Variants in SNRPG observed in about 807,000 individuals in gnomAD.
SNRPG encodes small nuclear ribonucleoprotein polypeptide G.
A neutral mutation model predicts 13.9 loss-of-function variants in SNRPG; 3 were observed. The ratio of observed to expected loss-of-function variants is 0.22; its 90% CI spans 0.10 to 0.56. The LOEUF (loss-of-function observed/expected upper bound fraction) is 0.56. Among genes scored for constraint, SNRPG ranks in the 20% least tolerant of loss-of-function variants. The pLI is 0.93. For missense variants in SNRPG, 34 were observed against 96.1 expected (o/e 0.35, Z 2.70); for synonymous variants, 29 against 29.3 (o/e 0.99, Z 0.03).
At chr2:70,289,463 A>T (rs548733635) in intron 1 of SNRPG, 91 bp from the exon 2 acceptor site, 20 of 656,176 alleles carry the variant, frequency 3.0e-5, no homozygotes, top group Non-Finnish European at 5.1e-5. Context: ...AATTTGCTAA[A>T]ATTTATACAA....
intron 1 of SNRPG, 69 bp downstream of exon 1, chr2:70,293,549 A>G (rs2104929202): frequency 1.5e-6 from 2 of 1,290,730 alleles, no homozygotes; most frequent in South Asian, 1.2e-5. Context: ...CGGCTAACGG[A>G]GAGGGAACCA....
At chr2:70,287,145 A>G (rs1324009900) in intron 3 of SNRPG, 1 of 588,702 alleles carries the variant, frequency 1.7e-6, no homozygotes, top group Non-Finnish European at 3.0e-6. Flanking sequence ...AACCTTGGAA[A>G]GAATGGTATG....
At chr2:70,285,547 C>G (rs6721896) in intron 3 of SNRPG, among the ~76,000 whole-genome samples, 105,495 of 151,984 alleles carry the variant, frequency 0.69, 37,262 homozygotes, top group African/African-American at 0.82. Flanking sequence ...ACTCCAGCCT[C>G]GGTGACACAG....
chr2:70,283,746 A>G (rs1370041625), intron 3 of SNRPG, among the ~76,000 whole-genome samples: 1 of 152,200 alleles, frequency 6.6e-6, no homozygotes, highest in Non-Finnish European at 1.5e-5. Context: ...TGAGTATGAT[A>G]AGGTAGTAAA....
Position 70,287,727 on chromosome 2 carries a change from T to A in SNRPG, c.180+341A>T, listed in dbSNP as rs527881669. The A allele has an allele frequency of 3.7e-3, 1,459 of 393,232 alleles. 9 individuals are homozygous for A. The highest frequency in any genetic ancestry group is 5.8e-3 in the Non-Finnish European group (1,272 of 218,962). 24.4% of individuals were successfully genotyped at this position (393,232 alleles called of 1,614,324 possible). On this transcript the variant is annotated intron_variant, in intron 3 of 3. Coordinates refer to ENST00000272348, the MANE Select transcript of SNRPG (RefSeq NM_003096.4). ...ATACCTACTGAAGTAGAATCTTCAT[T>A]TTAAGAAGATTCCCTGGGGATTCAT...
intron 1 of SNRPG, chr2:70,293,406 C>T: frequency 6.3e-6 from 4 of 636,534 alleles, no homozygotes; most frequent in South Asian, 1.8e-5. Context: ...GAAGGAGGTG[C>T]CGTGGCTGCC....
At chr2:70,281,724 G>T in intron 3 of SNRPG, 40 bp from the exon 4 acceptor site, 1 of 1,052,080 alleles carries the variant, frequency 9.5e-7, no homozygotes, top group Non-Finnish European at 1.5e-6. Context: ...AACAACTCAG[G>T]TAACAGACAT....
At chr2:70,289,214 A>G (rs1038181959) in intron 2 of SNRPG, 136 bp downstream of exon 2, 4 of 526,350 alleles carry the variant, frequency 7.6e-6, no homozygotes, top group African/African-American at 2.0e-5. Flanking sequence ...CGGCCTCCCA[A>G]AGTGCTGGGA....
At chr2:70,284,686 T>G (rs564813813) in intron 3 of SNRPG, among the ~76,000 whole-genome samples, 1 of 152,140 alleles carries the variant, frequency 6.6e-6, no homozygotes, top group African/African-American at 2.4e-5. Context: ...ACCTGGCCAG[T>G]TATCAGAATT....
chr2:70,293,463 C>T (rs983603782), intron 1 of SNRPG, 155 bp downstream of exon 1: 10 of 764,590 alleles, frequency 1.3e-5, no homozygotes, highest in Non-Finnish European at 2.1e-5. Flanking sequence ...CTTCACGTCT[C>T]ATGCGCGGGA....
At chr2:70,288,233 T>A in intron 2 of SNRPG, 41 bp from the exon 3 acceptor site, 1 of 1,566,206 alleles carries the variant, frequency 6.4e-7, no homozygotes, top group Non-Finnish European at 8.8e-7. Context: ...AAACATTCCA[T>A]TAGCTACCAA....
At chr2:70,283,375 G>A (rs1343965169) in intron 3 of SNRPG, among the ~76,000 whole-genome samples, 2 of 152,238 alleles carry the variant, frequency 1.3e-5, no homozygotes, top group Non-Finnish European at 2.9e-5. Context: ...GAAAGGTAAT[G>A]TAATAATTTG....
rs551386440 is a variant in SNRPG at position 70,292,057 on chromosome 2, C to T, written c.32+1561G>A. On this transcript the variant is annotated intron_variant, in intron 1 of 3. Coordinates refer to ENST00000272348, the MANE Select transcript of SNRPG (RefSeq NM_003096.4). The stretch of plus-strand genomic sequence containing the variant: ...CCGCCTCCCGGGTTCACGCCATTCT[C>T]CTGCCTCAGCCTCCCGAGTAGCTGG... Among the ~76,000 whole-genome samples, 4 of 151,008 alleles carry T rather than the reference C, an allele frequency of 2.6e-5. No homozygotes were observed. In the East Asian group the frequency reaches 7.9e-4, roughly 30 times the overall value.
intron 3 of SNRPG, 119 bp downstream of exon 3, chr2:70,287,949 G>T: frequency 1.1e-6 from 1 of 903,630 alleles, no homozygotes; most frequent in South Asian, 1.4e-5. Flanking sequence ...CTAAAAAGGA[G>T]ATGGAAAGTC....
chr2:70,293,385 CTAG>C, intron 1 of SNRPG: 1 of 628,870 alleles, frequency 1.6e-6, no homozygotes, highest in Non-Finnish European at 2.9e-6. Flanking sequence ...GACCTGGAGA[CTAG>C]TCGGCCGGAA....
intron 1 of SNRPG, among the ~76,000 whole-genome samples, chr2:70,291,014 AAC>A (rs56202448): frequency 0.19 from 24,952 of 133,052 alleles, 2,155 homozygotes; most frequent in Non-Finnish European, 0.2. Flanking sequence ...TCCATCTCAA[AAC>A]ACACACACAC....
chr2:70,281,826 A>G, intron 3 of SNRPG, 142 bp from the exon 4 acceptor site: 1 of 558,720 alleles, frequency 1.8e-6, no homozygotes, highest in South Asian at 2.4e-5. Flanking sequence ...CCACAGGGAC[A>G]CCAAACAACT....
In SNRPG at chr2:70,289,335, C is replaced by G. The variant is rs968224228; in HGVS notation, c.55+15G>C. ...TAAATAATTAAAAAAAACCCCAAAA[C>G]AACAACAAACTTACATGATAACTTC... is the stretch of plus-strand genomic sequence containing the variant. On this transcript the variant is annotated intron_variant, in intron 2 of 3. Transcript: ENST00000272348. The G allele has an allele frequency of 2.1e-6, 3 of 1,399,552 alleles. No homozygotes were observed. The African/African-American group carries it at 4.3e-5, about 20-fold the overall frequency. The allele number at this position is 1,399,552 out of a possible 1,614,324, so 86.7% of individuals were successfully genotyped here.
chr2:70,284,013 C>T (rs1278226164), intron 3 of SNRPG, among the ~76,000 whole-genome samples: 2 of 152,158 alleles, frequency 1.3e-5, no homozygotes, highest in Non-Finnish European at 2.9e-5. Context: ...GAACCAAGCT[C>T]CATGCTACTG....
Sources: gnomAD v4.1 joint callset for allele counts (sites outside exome capture counted in the v4.1 genomes callset) on GRCh38, gnomAD v4.1.1 for gene constraint, MANE v1.5 for transcripts, NCBI Gene and HGNC (gene_info 2026-07-23, HGNC 2026-07-21) for gene names.